SLIT3: variants seen among roughly 807,000 people sequenced by gnomAD.
SLIT3 encodes slit homolog 3 protein.
In SLIT3, 68 loss-of-function variants were observed where a neutral mutation model predicts 184.0. The ratio of observed to expected loss-of-function variants is 0.37; its 90% CI spans 0.30 to 0.45. The LOEUF is 0.45. Among genes scored for constraint, SLIT3 ranks in the 20% least tolerant of loss-of-function variants. The pLI is 1.00. For missense variants in SLIT3, 1,707 were observed against 2,026.0 expected (o/e 0.84, Z 3.02); for synonymous variants, 831 against 828.6 (o/e 1.00, Z -0.05).
Position 168,669,889 on chromosome 5 carries a change from A to G in SLIT3, c.4230T>C (p.Asn1410=), listed in dbSNP as rs1329348415. ...GGTGACACTTGAAGGCTGAGCAGGC[A>G]TTGGCAGAGTCATTCTTGTTGTCAC... The part of the protein sequence containing the change: ...DLCDNKNDSA[N]ACSAFKCHHG... The change falls in exon 35 of 36, where the codon AAT becomes AAC. Residue 1410 remains asparagine (N), a synonymous_variant. Transcript: ENST00000519560. 1 of 1,614,108 alleles carries G rather than the reference A, an allele frequency of 6.2e-7. No homozygotes were observed. The highest frequency in any genetic ancestry group is 8.5e-7 in the Non-Finnish European group (1 of 1,180,044).
intron 4 of SLIT3, among the ~76,000 whole-genome samples, chr5:168,999,610 C>T (rs1023821515): frequency 6.6e-6 from 1 of 152,212 alleles, no homozygotes; most frequent in Non-Finnish European, 1.5e-5. Flanking sequence ...CTCACATTGG[C>T]TTCCTAGTGC....
chr5:168,793,308 A>T (rs973306108), intron 10 of SLIT3, among the ~76,000 whole-genome samples: 5 of 151,950 alleles, frequency 3.3e-5, no homozygotes, highest in Non-Finnish European at 5.9e-5. Flanking sequence ...TTGAGGGGGA[A>T]ACTTCCTCCT....
chr5:169,074,028 T>C (rs932848592), intron 4 of SLIT3, among the ~76,000 whole-genome samples: 2 of 152,160 alleles, frequency 1.3e-5, no homozygotes, highest in Admixed American at 1.3e-4. Flanking sequence ...AGGAGTGAAT[T>C]CCTCAAAGAA....
intron 4 of SLIT3, among the ~76,000 whole-genome samples, chr5:168,957,493 G>A (rs934304565): frequency 4.6e-5 from 7 of 152,194 alleles, no homozygotes; most frequent in Admixed American, 1.3e-4. Context: ...CTCTGAACAT[G>A]CAGATTCTGG....
chr5:168,865,140 T>C (rs145516382), intron 5 of SLIT3, among the ~76,000 whole-genome samples: 76 of 119,540 alleles, frequency 6.4e-4, no homozygotes, highest in Non-Finnish European at 7.3e-4. Flanking sequence ...GCCATTGTAC[T>C]CCAGCCTGGG....
At chr5:168,959,865 G>T (rs1317188943) in intron 4 of SLIT3, among the ~76,000 whole-genome samples, 3 of 152,184 alleles carry the variant, frequency 2.0e-5, no homozygotes, top group Non-Finnish European at 4.4e-5. Context: ...CTCACAGGGT[G>T]CCAGGCACTG....
chr5:168,920,678 GCTTA>G (rs1761607527), intron 4 of SLIT3, among the ~76,000 whole-genome samples: 1 of 152,134 alleles, frequency 6.6e-6, no homozygotes, highest in Admixed American at 6.5e-5. Flanking sequence ...TCTGGTTCAG[GCTTA>G]CTTCTCTTGG....
chr5:168,999,254 G>A (rs1397765050), intron 4 of SLIT3, among the ~76,000 whole-genome samples: 2 of 152,108 alleles, frequency 1.3e-5, no homozygotes, highest in Non-Finnish European at 2.9e-5. Context: ...CTGGTAATGG[G>A]TTCAAGACCT....
At chr5:169,084,437 T>A (rs1451851011) in intron 4 of SLIT3, among the ~76,000 whole-genome samples, 1 of 149,956 alleles carries the variant, frequency 6.7e-6, no homozygotes, top group African/African-American at 2.5e-5. Context: ...ATTACAGGCA[T>A]GCGCCACCAT....
At chr5:168,736,477 C>T (rs1388690185) in intron 20 of SLIT3, among the ~76,000 whole-genome samples, 2 of 152,204 alleles carry the variant, frequency 1.3e-5, no homozygotes, top group African/African-American at 4.8e-5. Flanking sequence ...GTAGTCAGTG[C>T]TGGGCAGTTG....
intron 4 of SLIT3, among the ~76,000 whole-genome samples, chr5:169,056,355 T>G (rs1440735969): frequency 6.6e-6 from 1 of 152,216 alleles, no homozygotes; most frequent in Non-Finnish European, 1.5e-5. Flanking sequence ...TCAATTATTA[T>G]GCCAGTTTTT....
intron 4 of SLIT3, among the ~76,000 whole-genome samples, chr5:168,981,212 AT>A (rs1429884122): frequency 1.3e-5 from 2 of 152,226 alleles, no homozygotes. Context: ...TTTGTGTAGC[AT>A]GTAATTTGGA....
At chr5:168,751,947 G>T (rs1263191713) in intron 18 of SLIT3, among the ~76,000 whole-genome samples, 1 of 152,088 alleles carries the variant, frequency 6.6e-6, no homozygotes, top group Non-Finnish European at 1.5e-5. Flanking sequence ...CACCACATTG[G>T]CCAGGAAGGT....
chr5:169,288,710 T>C (rs1157598124), intron 1 of SLIT3, among the ~76,000 whole-genome samples: 1 of 152,190 alleles, frequency 6.6e-6, no homozygotes, highest in Admixed American at 6.5e-5. Context: ...CCTTATTTGG[T>C]CCTACTGTCT....
chr5:168,811,587 CTA>C (rs1757158913), intron 8 of SLIT3, among the ~76,000 whole-genome samples: 1 of 152,288 alleles, frequency 6.6e-6, no homozygotes, highest in Middle Eastern at 3.4e-3. Context: ...GTAAGCTACA[CTA>C]GAGATGATCA....
At position 168,696,296 on chromosome 5, in the gene SLIT3, G is replaced by A; in HGVS notation, c.3078C>T (p.Tyr1026=). The A allele has an allele frequency of 6.2e-7, 1 of 1,614,158 alleles. No individual in the cohort carries two copies. The highest frequency in any genetic ancestry group is 8.5e-7 in the Non-Finnish European group (1 of 1,180,016). The change falls in exon 28 of 36, where the codon TAC becomes TAT. Residue 1026 remains tyrosine (Y), a synonymous_variant. Transcript: ENST00000519560. ...NNYVCICPPN[Y]TGELCDEVID... ...ATACAGTCATGAGATCCTTACCTGT[G>A]TAGTTAGGCGGACAGATACACACGT...
In SLIT3 at chr5:168,748,393, C is replaced by A; in HGVS notation, c.2179G>T (p.Glu727Ter). 6.6e-7 allele frequency: 1 copy of A among 1,520,708 alleles called. No individual in the cohort carries two copies. Among genetic ancestry groups the A allele is most frequent in the Non-Finnish European group, 8.7e-7 (1 of 1,146,076 alleles). 94.2% of individuals were successfully genotyped at this position (1,520,708 alleles called of 1,614,324 possible). A position where few individuals can be genotyped will look rare whatever the true frequency, so the allele number is the denominator to read the frequency against. ...SSCQLSPRCP[E>*]QCTCMETVVR... ...ACTGTCTCCATACAGGTGCACTGCTCCGGGCAGCGCGGGCTCAGCTGGCAG... is the reference window on the plus strand; with the variant it reads ...ACTGTCTCCATACAGGTGCACTGCTACGGGCAGCGCGGGCTCAGCTGGCAG... The change falls in exon 20 of 36, where the codon GAG becomes TAG. Residue 727 changes from glutamate (E) to a stop codon, truncating the protein, a stop_gained. Coordinates refer to ENST00000519560, the MANE Select transcript of SLIT3 (RefSeq NM_003062.4). LOFTEE classifies it high-confidence loss of function.
At chr5:168,900,700 G>A (rs1760836638) in intron 4 of SLIT3, among the ~76,000 whole-genome samples, 2 of 152,168 alleles carry the variant, frequency 1.3e-5, no homozygotes, top group South Asian at 2.1e-4. Context: ...GTAAAGATAT[G>A]GAATCAACCT....
At chr5:169,246,921 CAAAAAAAAAAA>C (rs34365189) in intron 2 of SLIT3, among the ~76,000 whole-genome samples, 57 of 25,618 alleles carry the variant, frequency 2.2e-3, no homozygotes, top group African/African-American at 9.2e-3. Context: ...GACTCTGTCT[CAAAAAAAAAAA>C]AAAAAAAAAA....
Sources: gnomAD v4.1 joint callset for allele counts (sites outside exome capture counted in the v4.1 genomes callset) on GRCh38, gnomAD v4.1.1 for gene constraint, MANE v1.5 for transcripts, NCBI Gene and HGNC (gene_info 2026-07-23, HGNC 2026-07-21) for gene names.